Variants in FAM227B observed in about 807,000 individuals in gnomAD.
The protein encoded by FAM227B is family with sequence similarity 227 member B.
Under a neutral mutation model 73.8 loss-of-function variants are expected in FAM227B, and 88 were observed. The ratio of observed to expected loss-of-function variants is 1.19; its 90% CI spans 1.00 to 1.42. The LOEUF is 1.42. Among genes scored for constraint, FAM227B ranks in the 40% most tolerant of loss-of-function variants. The pLI is 0.00. For missense variants in FAM227B, 632 were observed against 590.9 expected, an observed-to-expected ratio of 1.07 and a Z score of -0.72; for synonymous variants, 210 against 190.5, an observed-to-expected ratio of 1.10 and a Z score of -0.84.
intron 11 of FAM227B, among the ~76,000 whole-genome samples, chr15:49,411,837 T>A (rs1364685145): frequency 6.6e-6 from 1 of 152,120 alleles, no homozygotes; most frequent in Non-Finnish European, 1.5e-5. Context: ...TTCGCAGACA[T>A]TTCCAAAATT....
At chr15:49,494,017 A>T (rs1016680596) in intron 11 of FAM227B, among the ~76,000 whole-genome samples, 9 of 151,888 alleles carry the variant, frequency 5.9e-5, no homozygotes, top group African/African-American at 2.2e-4. Flanking sequence ...TTTTATGAGG[A>T]TCAGATTTGG....
chr15:49,344,741 G>C (rs1232877973), intron 13 of FAM227B, among the ~76,000 whole-genome samples: 1 of 152,046 alleles, frequency 6.6e-6, no homozygotes, highest in East Asian at 1.9e-4. Flanking sequence ...TCCCCACTTT[G>C]GCTGTCACAG....
intron 5 of FAM227B, among the ~76,000 whole-genome samples, chr15:49,581,235 G>A (rs1443202909): frequency 6.6e-6 from 1 of 151,998 alleles, no homozygotes; most frequent in African/African-American, 2.4e-5. Context: ...GAGAAGGGCA[G>A]GTAAACCTAC....
chr15:49,396,046 C>T (rs1269720884), intron 11 of FAM227B: 3 of 451,846 alleles, frequency 6.6e-6, no homozygotes, highest in East Asian at 7.0e-5. Flanking sequence ...GCGTGAGCGA[C>T]GCAGAAGATG....
Position 49,327,093 on chromosome 15 carries a change from G to C in FAM227B, c.*1475C>G, listed in dbSNP as rs1354853623. 1 of 152,222 alleles carries C rather than the reference G, an allele frequency of 6.6e-6. No homozygotes were observed. The highest frequency in any genetic ancestry group is 1.9e-4 in the East Asian group (1 of 5,202). The allele number at this position is 152,222 out of a possible 1,614,324, so 9.4% of individuals were successfully genotyped here. A position where few individuals can be genotyped will look rare whatever the true frequency, so the allele number is the denominator to read the frequency against. ...CATCTTTTAAAGCTAAGTGATCTGT[G>C]TACATTGTGATAGGGCCTTTCACTT... On this transcript the variant is annotated 3_prime_UTR_variant, in exon 16 of 16. Transcript: ENST00000299338.
At chr15:49,392,259 T>C (rs2047260915) in intron 11 of FAM227B, among the ~76,000 whole-genome samples, 1 of 152,092 alleles carries the variant, frequency 6.6e-6, no homozygotes, top group Non-Finnish European at 1.5e-5. Flanking sequence ...ACTAACAGAA[T>C]TTATGGAGGG....
intron 11 of FAM227B, among the ~76,000 whole-genome samples, chr15:49,475,313 T>G (rs1021553924): frequency 1.3e-5 from 2 of 152,180 alleles, no homozygotes; most frequent in African/African-American, 4.8e-5. Context: ...GAAGTTAGGA[T>G]GCAAAAGTTA....
chr15:49,368,610 G>C (rs1357721897), intron 12 of FAM227B, among the ~76,000 whole-genome samples: 1 of 152,078 alleles, frequency 6.6e-6, no homozygotes, highest in Non-Finnish European at 1.5e-5. Context: ...TTCATTTTAA[G>C]CTCCCATGAT....
chr15:49,556,560 T>C (rs1422389403), intron 9 of FAM227B, among the ~76,000 whole-genome samples: 1 of 152,182 alleles, frequency 6.6e-6, no homozygotes, highest in Non-Finnish European at 1.5e-5. Flanking sequence ...CAGGCACTGT[T>C]TGCCACTGCA....
chr15:49,489,841 TTATATATATATATATATTTTATA>T lies in FAM227B; in HGVS notation c.1012+18347_1012+18369del, dbSNP rs1490380481. On this transcript the variant is annotated intron_variant, in intron 11 of 15. Coordinates refer to ENST00000299338, the MANE Select transcript of FAM227B (RefSeq NM_152647.3). ...TATATTTTATATATATATATATATT[TTATATATATATATATATTTTATA>T]TATATATATATATATATATAGAGAG... Among the ~76,000 whole-genome samples, 194 of 22,852 alleles carry T rather than the reference TTATATATATATATATATTTTATA, an allele frequency of 8.5e-3. 4 individuals carry two copies. The highest frequency in any genetic ancestry group is 0.037 in the Middle Eastern group (2 of 54). 15.0% of individuals were successfully genotyped at this position (22,852 alleles called of 152,430 possible).
At chr15:49,581,197 G>A (rs1460162030) in intron 5 of FAM227B, among the ~76,000 whole-genome samples, 8 of 152,038 alleles carry the variant, frequency 5.3e-5, no homozygotes, top group Admixed American at 2.6e-4. Context: ...AGGTTGACAC[G>A]AAAGAAAAAA....
At chr15:49,356,075 G>A (rs1439992758) in intron 13 of FAM227B, among the ~76,000 whole-genome samples, 1 of 144,222 alleles carries the variant, frequency 6.9e-6, no homozygotes, top group African/African-American at 2.8e-5. Context: ...TGCCTTACAA[G>A]AGCTCCTGAA....
chr15:49,354,388 C>T (rs913752741), intron 13 of FAM227B, among the ~76,000 whole-genome samples: 38 of 152,202 alleles, frequency 2.5e-4, no homozygotes, highest in East Asian at 1.6e-3. Flanking sequence ...AGTGGGTGCG[C>T]GCACCGTGCG....
chr15:49,437,359 G>C (rs547405530), intron 11 of FAM227B, among the ~76,000 whole-genome samples: 1 of 151,714 alleles, frequency 6.6e-6, no homozygotes, highest in East Asian at 1.9e-4. Context: ...TGGTGAAAAA[G>C]AAACAGTTTA....
chr15:49,517,068 T>G (rs941198934), intron 10 of FAM227B, among the ~76,000 whole-genome samples: 1 of 152,200 alleles, frequency 6.6e-6, no homozygotes, highest in Admixed American at 6.6e-5. Flanking sequence ...TTTACTCCAG[T>G]TGGACTTCTA....
rs1186292792 is a variant in FAM227B at position 49,385,900 on chromosome 15, AAG to A, written c.1013-14503_1013-14502del. Among the ~76,000 whole-genome samples, 5 of 151,968 alleles carry A rather than the reference AAG, an allele frequency of 3.3e-5. No individual in the cohort carries two copies. In the East Asian group the frequency reaches 7.7e-4, roughly 23 times the overall value. ...TCAAAGCAACAACACTAAAAAAAGA[AAG>A]ACAGTCCCTATTATATTGATAAAAG... is the stretch of plus-strand genomic sequence containing the variant. On this transcript the variant is annotated intron_variant, in intron 11 of 15. Transcript: ENST00000299338.
chr15:49,513,973 G>C (rs1022991002), intron 10 of FAM227B, among the ~76,000 whole-genome samples: 1 of 152,116 alleles, frequency 6.6e-6, no homozygotes, highest in Admixed American at 6.6e-5. Flanking sequence ...TTTGGTACCA[G>C]TACTTTGCTG....
At chr15:49,497,469 C>T (rs1567404552) in intron 11 of FAM227B, among the ~76,000 whole-genome samples, 2 of 152,116 alleles carry the variant, frequency 1.3e-5, no homozygotes, top group African/African-American at 2.4e-5. Flanking sequence ...AGTTTCTCAC[C>T]GTCAATCCAT....
At position 49,371,299 on chromosome 15, in the gene FAM227B, A is replaced by G. The variant is rs764380459; in HGVS notation, c.1110+3T>C. On this transcript the variant is annotated splice_donor_region_variant and intron_variant, in intron 12 of 15. Coordinates refer to ENST00000299338, the MANE Select transcript of FAM227B (RefSeq NM_152647.3). ...ATTTTTTCATAATTATTATACTCCA[A>G]ACCTTTGTTGCTAGTCTTGATAATC... 2 of 1,553,914 alleles carry G rather than the reference A, an allele frequency of 1.3e-6. No homozygotes were observed. Among genetic ancestry groups the G allele is most frequent in the East Asian group, 2.3e-5 (1 of 44,068 alleles).
Sources: allele counts gnomAD v4.1 joint callset (sites outside exome capture counted in the v4.1 genomes callset), GRCh38; gene constraint gnomAD v4.1.1; transcripts MANE v1.5; gene names NCBI Gene and HGNC (gene_info 2026-07-23, HGNC 2026-07-21).